The following FHIT variants were observed in gnomAD, a reference collection of about 807,000 sequenced individuals.
FHIT encodes the protein bis(5'-adenosyl)-triphosphatase.
FHIT carries 19 observed loss-of-function variants against 17.9 expected under a neutral mutation model. That is an observed-to-expected ratio of 1.06 (90% CI 0.74 to 1.56). The LOEUF (loss-of-function observed/expected upper bound fraction) is 1.56, where lower values mean the gene tolerates loss of function less well. Ranked by LOEUF, FHIT falls within the 40% of genes most tolerant of loss-of-function variation. The pLI, the probability that FHIT is intolerant of heterozygous loss-of-function variation, is 0.00. For synonymous variants in FHIT, 81 were observed against 69.7 expected (o/e 1.16, Z -0.81); for missense variants, 248 against 189.2 (o/e 1.31, Z -1.82).
At chr3:60,405,458 C>T (rs565193074) in intron 5 of FHIT, among the ~76,000 whole-genome samples, 3 of 152,282 alleles carry the variant, frequency 2.0e-5, no homozygotes, top group Admixed American at 2.0e-4. Context: ...AAAGCTGTTT[C>T]AATGCTCAAT....
chr3:60,097,046 T>C (rs193136759), intron 5 of FHIT, among the ~76,000 whole-genome samples: 3 of 107,458 alleles, frequency 2.8e-5, no homozygotes, highest in Non-Finnish European at 5.9e-5. Flanking sequence ...AAAAAAGGAA[T>C]AGAAGAACTC....
chr3:60,445,966 A>G (rs2031303591), intron 5 of FHIT, among the ~76,000 whole-genome samples: 1 of 152,132 alleles, frequency 6.6e-6, no homozygotes. Flanking sequence ...GTGCAAATCC[A>G]TATTGTGTTT....
chr3:60,268,854 TG>T (rs1455957869), intron 5 of FHIT, among the ~76,000 whole-genome samples: 3 of 152,124 alleles, frequency 2.0e-5, no homozygotes, highest in South Asian at 4.2e-4. Flanking sequence ...ATTATCTAGG[TG>T]GGCCCAACAT....
At chr3:60,202,513 T>TG (rs2107496791) in intron 5 of FHIT, among the ~76,000 whole-genome samples, 1 of 152,322 alleles carries the variant, frequency 6.6e-6, no homozygotes, top group Non-Finnish European at 1.5e-5. Context: ...TTGTTCACAG[T>TG]TGTACATGAG....
At chr3:61,154,574 A>G (rs1326123120) in intron 2 of FHIT, among the ~76,000 whole-genome samples, 1 of 152,210 alleles carries the variant, frequency 6.6e-6, no homozygotes, top group Non-Finnish European at 1.5e-5. Context: ...AGATCAGAGG[A>G]AATGATTTAT....
intron 4 of FHIT, among the ~76,000 whole-genome samples, chr3:60,643,047 G>T (rs2039765348): frequency 6.6e-6 from 1 of 152,162 alleles, no homozygotes; most frequent in Non-Finnish European, 1.5e-5. Context: ...GTAGTTCCAC[G>T]TGGCAAGGAC....
At chr3:60,003,648 G>A (rs190841504) in intron 7 of FHIT, among the ~76,000 whole-genome samples, 11 of 152,052 alleles carry the variant, frequency 7.2e-5, no homozygotes, top group African/African-American at 2.7e-4. Flanking sequence ...AGGAGGGTGA[G>A]GTGGGAGGAT....
chr3:59,755,006 T>G (rs1448819774), intron 8 of FHIT, among the ~76,000 whole-genome samples: 2 of 152,050 alleles, frequency 1.3e-5, no homozygotes, highest in Admixed American at 1.3e-4. Context: ...TTTGGGGATT[T>G]AAAACAAAAC....
At chr3:60,393,275 AT>A (rs538277839) in intron 5 of FHIT, among the ~76,000 whole-genome samples, 2 of 151,728 alleles carry the variant, frequency 1.3e-5, no homozygotes, top group African/African-American at 4.8e-5. Flanking sequence ...GGAAATAAAG[AT>A]TTTTTTTGAG....
chr3:60,778,636 G>C (rs1175949221), intron 4 of FHIT, among the ~76,000 whole-genome samples: 1 of 152,210 alleles, frequency 6.6e-6, no homozygotes, highest in East Asian at 1.9e-4. Context: ...TTTGAAGCGT[G>C]TTTGTTTCTC....
At chr3:60,345,843 T>G (rs1710748210) in intron 5 of FHIT, among the ~76,000 whole-genome samples, 1 of 150,640 alleles carries the variant, frequency 6.6e-6, no homozygotes, top group South Asian at 2.1e-4. Flanking sequence ...AACACCTGGT[T>G]TCACAGTTAC....
intron 8 of FHIT, among the ~76,000 whole-genome samples, chr3:59,778,467 G>T (rs899973356): frequency 6.6e-6 from 1 of 152,140 alleles, no homozygotes; most frequent in South Asian, 2.1e-4. Context: ...CCCATTTTAG[G>T]ATGGAGCAGG....
intron 5 of FHIT, among the ~76,000 whole-genome samples, chr3:60,183,491 C>G (rs1046150267): frequency 6.6e-6 from 1 of 152,038 alleles, no homozygotes; most frequent in Admixed American, 6.5e-5. Flanking sequence ...GAAGTCAACA[C>G]CGTGACTAAC....
At chr3:59,927,482 T>G (rs967052181) in intron 7 of FHIT, among the ~76,000 whole-genome samples, 23 of 110,196 alleles carry the variant, frequency 2.1e-4, no homozygotes, top group Non-Finnish European at 4.2e-4. Flanking sequence ...AAAAAAAAAC[T>G]GAAGGCCGGG....
At chr3:60,624,636 A>G (rs1553680137) in intron 4 of FHIT, among the ~76,000 whole-genome samples, 1 of 152,234 alleles carries the variant, frequency 6.6e-6, no homozygotes, top group Admixed American at 6.5e-5. Flanking sequence ...AACTTGGAAT[A>G]AATAATATTA....
chr3:59,849,225 T>C (rs548656777), intron 8 of FHIT, among the ~76,000 whole-genome samples: 54 of 152,022 alleles, frequency 3.6e-4, no homozygotes, highest in Middle Eastern at 3.4e-3. Context: ...ATACAAAAAT[T>C]AGACAGGTGT....
At chr3:60,500,624 T>C (rs1553635446) in intron 5 of FHIT, among the ~76,000 whole-genome samples, 1 of 147,912 alleles carries the variant, frequency 6.8e-6, no homozygotes, top group Non-Finnish European at 1.5e-5. Flanking sequence ...ACAAAAAAAA[T>C]TAGTAGGGTG....
chr3:61,205,906 T>A (rs1436076903), intron 1 of FHIT, among the ~76,000 whole-genome samples: 2 of 148,810 alleles, frequency 1.3e-5, no homozygotes, highest in South Asian at 4.4e-4. Context: ...GCCTATGTCC[T>A]GAATGGTATT....
chr3:60,948,259 G>A (rs1708723424), intron 3 of FHIT, among the ~76,000 whole-genome samples: 1 of 152,128 alleles, frequency 6.6e-6, no homozygotes, highest in African/African-American at 2.4e-5. Flanking sequence ...TCAGGCAGAA[G>A]GCCCAAAGGA....
Sources: allele counts gnomAD v4.1 joint callset (sites outside exome capture counted in the v4.1 genomes callset), GRCh38; gene constraint gnomAD v4.1.1; transcripts MANE v1.5; gene names NCBI Gene and HGNC (gene_info 2026-07-23, HGNC 2026-07-21).